FGD6: variants seen among roughly 807,000 people sequenced by gnomAD.
FGD6 encodes the protein FYVE, RhoGEF and PH domain-containing protein 6.
In FGD6, 90 loss-of-function variants were observed where a neutral mutation model predicts 149.4. The ratio of observed to expected loss-of-function variants is 0.60; its 90% confidence interval spans 0.51 to 0.72. The LOEUF (loss-of-function observed/expected upper bound fraction) is 0.72. Among genes scored for constraint, FGD6 ranks in the 30% least tolerant of loss-of-function variants. The probability of loss-of-function intolerance (pLI) is 0.00; values close to 1 mark genes in which losing one functional copy is unlikely to be tolerated. For synonymous variants in FGD6, 527 were observed against 584.0 expected, an observed-to-expected ratio of 0.90 and a Z score of 1.41; for missense variants, 1,437 against 1,684.8, an observed-to-expected ratio of 0.85 and a Z score of 2.57.
rs2056722381 is a variant in FGD6 at position 95,210,804 on chromosome 12, A to C, written c.480T>G (p.Asp160Glu). ...TLTIKTRSKC[D>E]LYGEKAKNQG... ...GGTTCTTGGCTTTTTCACCATACAA[A>C]TCACATTTACTCCTAGTTTTTATAG... The change falls in exon 2 of 21, where the codon GAT becomes GAG. Residue 160 changes from aspartate to glutamate, a missense_variant. Asp to Glu is a conservative substitution (Grantham distance 45, BLOSUM62 2). Transcript: ENST00000343958. 6.2e-7 allele frequency: 1 copy of C among 1,613,930 alleles called. No homozygotes were observed. The highest frequency in any genetic ancestry group is 1.1e-5 in the South Asian group (1 of 91,008).
At chr12:95,196,482 A>G (rs34732232) in intron 2 of FGD6, among the ~76,000 whole-genome samples, 18,994 of 151,664 alleles carry the variant, frequency 0.13, 1,547 homozygotes, top group Admixed American at 0.22. Context: ...CACCCACCTT[A>G]GCCTCCCAAA....
rs774642216 is a variant in FGD6 at position 95,091,784 on chromosome 12, T to G, written c.3773A>C (p.Asn1258Thr). 6.2e-7 allele frequency: 1 copy of G among 1,613,090 alleles called. No homozygotes were observed. The highest frequency in any genetic ancestry group is 1.1e-5 in the South Asian group (1 of 90,864). Residue 1258 changes from asparagine (N) to threonine (T), a missense_variant, in exon 17 of 21, where the codon AAT becomes ACT. By Grantham distance (65) the Asn-to-Thr change is moderately conservative. Transcript: ENST00000343958. The part of the protein sequence containing the change: ...GKIVCQACSS[N>T]KYGLDYLKNQ... Reference sequence around the variant, plus strand: ...TTTCAGGTAATCTAAGCCATACTTATTAGACGAACAAGCTTGGCATACAAT... The same window carrying G: ...TTTCAGGTAATCTAAGCCATACTTAGTAGACGAACAAGCTTGGCATACAAT...
At chr12:95,130,704 C>A (rs1592844976) in intron 8 of FGD6, among the ~76,000 whole-genome samples, 1 of 151,914 alleles carries the variant, frequency 6.6e-6, no homozygotes, top group African/African-American at 2.4e-5. Flanking sequence ...CATGGGGAAA[C>A]CCTGTTTTTA....
rs749748974 is a variant in FGD6, at chr12:95,137,581, A to G, written c.2935T>C (p.Leu979=). 1 of 1,609,984 alleles carries G rather than the reference A, an allele frequency of 6.2e-7. No individual in the cohort carries two copies. The highest frequency in any genetic ancestry group is 1.7e-5 in the Admixed American group (1 of 59,250). ...YIKEFDKNIA[L]LDEQCKKNPG... is the part of the protein sequence containing the mutation. Reference sequence around the variant, plus strand: ...TTTTTCTTGCACTGTTCATCCAGCAAGGCTATATTCTTATCAAATTCTTTG... The same window carrying G: ...TTTTTCTTGCACTGTTCATCCAGCAGGGCTATATTCTTATCAAATTCTTTG... The change falls in exon 7 of 21, where the codon TTG becomes CTG. Residue 979 remains leucine, a synonymous_variant. Transcript: ENST00000343958.
At chr12:95,144,670 G>C (rs912954454) in intron 5 of FGD6, among the ~76,000 whole-genome samples, 1 of 150,256 alleles carries the variant, frequency 6.7e-6, no homozygotes, top group Non-Finnish European at 1.5e-5. Flanking sequence ...GGGATTATAG[G>C]CATGAGCCAC....
intron 2 of FGD6, among the ~76,000 whole-genome samples, chr12:95,205,787 A>G (rs1020740770): frequency 6.6e-6 from 1 of 152,154 alleles, no homozygotes; most frequent in African/African-American, 2.4e-5. Context: ...TTCTGACCCT[A>G]TGACTCAGGG....
rs1877621754 is a variant in FGD6, at chr12:95,079,990, A to G, written c.*1530T>C. 7.7e-6 allele frequency: 1 copy of G among 129,908 alleles called. No homozygotes were observed. 8.0% of individuals were successfully genotyped at this position (129,908 alleles called of 1,614,324 possible). On this transcript the variant is annotated 3_prime_UTR_variant, in exon 21 of 21. Transcript: ENST00000343958. ...TTTTGAGATGGAGTCTCGCTCTGTC[A>G]TCCCAGGCTGGAGTGCAGTGGCACC... is the stretch of plus-strand genomic sequence containing the variant.
At chr12:95,196,847 C>T (rs1881747955) in intron 2 of FGD6, among the ~76,000 whole-genome samples, 1 of 151,706 alleles carries the variant, frequency 6.6e-6, no homozygotes, top group East Asian at 2.0e-4. Context: ...ACTATATTGC[C>T]CAGGCTGGTC....
chr12:95,208,816 CA>C (rs955975924), intron 2 of FGD6, 26 bp downstream of exon 2: 16 of 1,590,076 alleles, frequency 1.0e-5, no homozygotes, highest in Non-Finnish European at 1.1e-5. Flanking sequence ...ATGATGCATG[CA>C]AAAGTGTCTG....
intron 2 of FGD6, among the ~76,000 whole-genome samples, chr12:95,174,871 G>T (rs1341300875): frequency 6.8e-6 from 1 of 146,368 alleles, no homozygotes; most frequent in African/African-American, 2.6e-5. Context: ...AGCTTGCAGT[G>T]AGCCGAGGCT....
chr12:95,204,238 T>C (rs1490990338), intron 2 of FGD6, among the ~76,000 whole-genome samples: 2 of 152,160 alleles, frequency 1.3e-5, no homozygotes, highest in Non-Finnish European at 2.9e-5. Context: ...CCATGGGAAC[T>C]TCCCTTCCAG....
At position 95,187,470 on chromosome 12, in the gene FGD6, T is replaced by C. The variant is rs1881474428; in HGVS notation, c.2442-14726A>G. 2.6e-5 allele frequency among the ~76,000 whole-genome samples: 4 copies of C among 151,846 alleles called. No homozygotes were observed. The South Asian group carries it at 8.3e-4, about 32-fold the overall frequency. ...CAGATCGAGACCAGCATGGCCAATA[T>C]GGTGAAACCCCGTCTCTACTAAAAA... On this transcript the variant is annotated intron_variant, in intron 2 of 20. Coordinates refer to ENST00000343958, the MANE Select transcript of FGD6 (RefSeq NM_018351.4).
At chr12:95,159,709 A>C (rs547711540) in intron 3 of FGD6, among the ~76,000 whole-genome samples, 32 of 152,224 alleles carry the variant, frequency 2.1e-4, no homozygotes, top group African/African-American at 6.3e-4. Flanking sequence ...TGGTGCACAC[A>C]TGTAGTCCCA....
In FGD6 at chr12:95,094,672, A is replaced by G. The variant is rs1285410390; in HGVS notation, c.3520T>C (p.Trp1174Arg). ...SASSATERDE[W>R]LEAISRAIEE... ...ATTGCCCTGGAAATCGCTTCTAGCC[A>G]TTCATCCCTTTCTGTGGCAGAACTG... Residue 1174 changes from tryptophan to arginine, a missense_variant, in exon 15 of 21, where the codon TGG (tryptophan) becomes CGG (arginine). Coordinates refer to ENST00000343958, the MANE Select transcript of FGD6 (RefSeq NM_018351.4). 1 of 1,613,672 alleles carries G rather than the reference A, an allele frequency of 6.2e-7. No homozygotes were observed. Among genetic ancestry groups the G allele is most frequent in the Admixed American group, 1.7e-5 (1 of 60,010 alleles).
At chr12:95,114,493 C>CACACACGT (rs1555217714) in intron 8 of FGD6, among the ~76,000 whole-genome samples, 2,219 of 142,956 alleles carry the variant, frequency 0.016, 89 homozygotes, top group Non-Finnish European at 0.02. Context: ...CACACACACA[C>CACACACGT]GTCAGACGTG....
chr12:95,109,622 G>C (rs1014536241), intron 9 of FGD6, among the ~76,000 whole-genome samples: 1 of 152,112 alleles, frequency 6.6e-6, no homozygotes, highest in Non-Finnish European at 1.5e-5. Context: ...GAACACTTTG[G>C]AAGGCTGAGG....
chr12:95,140,093 T>G (rs527487293), intron 6 of FGD6, among the ~76,000 whole-genome samples: 8 of 152,334 alleles, frequency 5.3e-5, no homozygotes, highest in African/African-American at 1.9e-4. Context: ...GGTATTTTTC[T>G]GGTTTATATA....
intron 18 of FGD6, 23 bp from the exon 19 acceptor site, chr12:95,085,931 A>G: frequency 6.3e-7 from 1 of 1,586,028 alleles, no homozygotes; most frequent in Non-Finnish European, 8.5e-7. Flanking sequence ...CCCCATACAA[A>G]GTTTAATGGT....
At chr12:95,151,497 A>C (rs1880308094) in intron 5 of FGD6, among the ~76,000 whole-genome samples, 1 of 152,040 alleles carries the variant, frequency 6.6e-6, no homozygotes, top group Non-Finnish European at 1.5e-5. Flanking sequence ...CAAACTCCTG[A>C]CCTCAGGTGA....
Sources: gnomAD v4.1 joint callset for allele counts (sites outside exome capture counted in the v4.1 genomes callset) on GRCh38, gnomAD v4.1.1 for gene constraint, MANE v1.5 for transcripts, NCBI Gene and HGNC (gene_info 2026-07-23, HGNC 2026-07-21) for gene names.